Variants in MARK3 observed in about 807,000 individuals in gnomAD.
MARK3 encodes MAP/microtubule affinity-regulating kinase 3.
In MARK3, 46 loss-of-function variants were observed where a neutral mutation model predicts 90.1. The ratio of observed to expected loss-of-function variants is 0.51; its 90% CI spans 0.40 to 0.65. The LOEUF (loss-of-function observed/expected upper bound fraction) is 0.65. MARK3 is among the 30% of genes least tolerant of loss of function. The pLI, the probability that MARK3 is intolerant of heterozygous loss-of-function variation, is 0.00. For synonymous variants in MARK3, 321 were observed against 332.6 expected (o/e 0.97, Z 0.38); for missense variants, 818 against 947.2 (o/e 0.86, Z 1.79).
chr14:103,450,921 CTTTTTTTTTTTTTTT>C (rs869030067), intron 4 of MARK3, among the ~76,000 whole-genome samples: 3,358 of 52,690 alleles, frequency 0.064, 214 homozygotes, highest in African/African-American at 0.22. Context: ...TGTGTGTATT[CTTTTTTTTTTTTTTT>C]TTTTTTTTTT....
chr14:103,433,976 C>A (rs569949869), intron 3 of MARK3, among the ~76,000 whole-genome samples: 3 of 152,198 alleles, frequency 2.0e-5, no homozygotes, highest in African/African-American at 7.2e-5. Flanking sequence ...TCTCAGTTGC[C>A]ATCATTTTGA....
chr14:103,396,157 GT>G (rs1412487624), intron 1 of MARK3, among the ~76,000 whole-genome samples: 1 of 55,056 alleles, frequency 1.8e-5, no homozygotes, highest in East Asian at 5.8e-4. Context: ...TTTTGCCTGA[GT>G]GGGAGAGGAG....
At position 103,475,117 on chromosome 14, in the gene MARK3, G is replaced by C. The variant is rs56126530; in HGVS notation, c.1389G>C (p.Lys463Asn). Reference protein sequence around the residue: ...RKSSGSAVGGKGIAPASPMLG... With the variant: ...RKSSGSAVGGNGIAPASPMLG... Reference sequence around the variant, plus strand: ...CAAGTGGCAGTGCTGTTGGAGGAAAGGGAATTGCTCCAGCCAGTCCCATGC... The same window carrying C: ...CAAGTGGCAGTGCTGTTGGAGGAAACGGAATTGCTCCAGCCAGTCCCATGC... Residue 463 changes from lysine (K) to asparagine (N), a missense_variant, in exon 13 of 18, where the codon AAG becomes AAC. Around this residue, in one of 3 missense-constraint regions of MARK3, gnomAD observed 560 missense variants for 613.5 expected, o/e 0.91. Transcript: ENST00000429436. 2 of 1,614,106 alleles carry C rather than the reference G, an allele frequency of 1.2e-6. No individual in the cohort carries two copies. Among genetic ancestry groups the C allele is most frequent in the Non-Finnish European group, 1.7e-6 (2 of 1,179,940 alleles).
chr14:103,385,759 A>AGCCCGCC lies in MARK3; in HGVS notation c.-264_-258dup, dbSNP rs1251494944. ...AGGGGACGCCGGCGGGCCGAAGCGCAGCCCGCCGCCCGCAGGCTCGGCTCC... is the reference window on the plus strand; with the variant it reads ...AGGGGACGCCGGCGGGCCGAAGCGCAGCCCGCCGCCCGCCGCCCGCAGGCTCGGCTCC... On this transcript the variant is annotated 5_prime_UTR_variant, in exon 1 of 18. Transcript: ENST00000429436. 4 of 368,908 alleles carry AGCCCGCC rather than the reference A, an allele frequency of 1.1e-5. No individual in the cohort carries two copies. The highest frequency in any genetic ancestry group is 7.6e-5 in the South Asian group (1 of 13,198). 22.9% of individuals were successfully genotyped at this position (368,908 alleles called of 1,614,324 possible).
chr14:103,497,851 G>A (rs2075431149), intron 15 of MARK3, among the ~76,000 whole-genome samples: 1 of 152,122 alleles, frequency 6.6e-6, no homozygotes, highest in Non-Finnish European at 1.5e-5. Context: ...GAAGAAAATT[G>A]AAAAATGTTT....
At chr14:103,494,587 A>G (rs2075229103) in intron 15 of MARK3, among the ~76,000 whole-genome samples, 2 of 149,742 alleles carry the variant, frequency 1.3e-5, no homozygotes. Flanking sequence ...ATTTTATTAC[A>G]TGTATATAAT....
chr14:103,468,081 G>C lies in MARK3; in HGVS notation c.1159G>C (p.Val387Leu), dbSNP rs746805734. The change falls in exon 12 of 18, where the codon GTT becomes CTT. Residue 387 changes from valine to leucine, a missense_variant. This residue lies in a region of MARK3 where 560 missense variants were observed against 613.5 expected (regional missense o/e 0.91). Transcript: ENST00000429436. ...SSSSNLSLAKVRPSSDLNNST... is the reference protein window; with the variant it reads ...SSSSNLSLAKLRPSSDLNNST... ...TAGCAGCAATCTTTCACTTGCTAAG[G>C]TTAGGCCGAGCAGTGATCTCAACAA... 6.2e-7 allele frequency: 1 copy of C among 1,613,966 alleles called. No homozygotes were observed.
intron 1 of MARK3, among the ~76,000 whole-genome samples, chr14:103,397,787 A>G (rs2090679822): frequency 6.6e-6 from 1 of 152,212 alleles, no homozygotes; most frequent in Admixed American, 6.5e-5. Flanking sequence ...TTATGGGACA[A>G]TAACAGTTCC....
chr14:103,462,204 C>G (rs2093415724), intron 6 of MARK3, among the ~76,000 whole-genome samples: 1 of 152,126 alleles, frequency 6.6e-6, no homozygotes, highest in African/African-American at 2.4e-5. Context: ...GGAAGAACGT[C>G]CTCACCTATT....
At chr14:103,415,913 A>G (rs960674881) in intron 2 of MARK3, among the ~76,000 whole-genome samples, 1 of 152,130 alleles carries the variant, frequency 6.6e-6, no homozygotes, top group Admixed American at 6.5e-5. Context: ...CTTTCTCCAA[A>G]TTTATCATTT....
chr14:103,428,556 A>G (rs2092482326), intron 3 of MARK3, 116 bp downstream of exon 3: 3 of 635,922 alleles, frequency 4.7e-6, no homozygotes, highest in African/African-American at 2.0e-5. Context: ...AAAGCTTCCT[A>G]TTCCTCAAAT....
intron 9 of MARK3, 83 bp downstream of exon 9, chr14:103,466,174 C>G: frequency 6.6e-7 from 1 of 1,509,856 alleles, no homozygotes; most frequent in Non-Finnish European, 9.0e-7. Context: ...GTATGCCATA[C>G]TGGATATATC....
At chr14:103,495,376 A>G (rs975868973) in intron 15 of MARK3, among the ~76,000 whole-genome samples, 3 of 152,018 alleles carry the variant, frequency 2.0e-5, no homozygotes, top group Admixed American at 2.0e-4. Flanking sequence ...GCTATTTGGA[A>G]GGGTGAGGCA....
Position 103,480,492 on chromosome 14 carries a change from TAGG to T in MARK3, c.1586+5_1586+7del. Reference sequence around the variant, plus strand: ...GATTCAGAATGGCAAAGAAAACAGGTAGGAGATTCTACCTGTTTGTAAGAAAAG... The same window carrying T: ...GATTCAGAATGGCAAAGAAAACAGGTAGATTCTACCTGTTTGTAAGAAAAG... On this transcript the variant is annotated splice_donor_5th_base_variant and intron_variant, in intron 14 of 17. Transcript: ENST00000429436. 6.3e-7 allele frequency: 1 copy of T among 1,578,400 alleles called. No homozygotes were observed. Among genetic ancestry groups the T allele is most frequent in the Non-Finnish European group, 8.7e-7 (1 of 1,150,404 alleles).
intron 5 of MARK3, among the ~76,000 whole-genome samples, chr14:103,452,214 T>C (rs544085821): frequency 4.0e-4 from 61 of 152,250 alleles, no homozygotes; most frequent in African/African-American, 1.3e-3. Context: ...ATATTTTTTG[T>C]GGTAAAACAT....
At chr14:103,468,371 C>CTGGAG (rs1425053730) in intron 12 of MARK3, among the ~76,000 whole-genome samples, 185 bp downstream of exon 12, 1 of 118,064 alleles carries the variant, frequency 8.5e-6, no homozygotes, top group Non-Finnish European at 1.6e-5. Context: ...GTTGCCCAGG[C>CTGGAG]TGGAGTGGAG....
chr14:103,503,544 C>T lies in MARK3; in HGVS notation c.*317C>T, dbSNP rs1165187967. 3 of 300,786 alleles carry T rather than the reference C, an allele frequency of 1.0e-5. No homozygotes were observed. Among genetic ancestry groups the T allele is most frequent in the South Asian group, 5.0e-5 (1 of 19,832 alleles). 18.6% of individuals were successfully genotyped at this position (300,786 alleles called of 1,614,324 possible). ...GTGTGTGAAGTGGTGTATATGGAAG[C>T]ATCTCCCTACACTGGCAGCCAGTCA... On this transcript the variant is annotated 3_prime_UTR_variant, in exon 18 of 18. Coordinates refer to ENST00000429436, the MANE Select transcript of MARK3 (RefSeq NM_001128918.3).
At chr14:103,437,099 A>G (rs901080217) in intron 3 of MARK3, among the ~76,000 whole-genome samples, 1 of 152,056 alleles carries the variant, frequency 6.6e-6, no homozygotes, top group Non-Finnish European at 1.5e-5. Context: ...GCCAAAAAAA[A>G]AAAAAATTGA....
rs10529756 is a variant in MARK3 at position 103,423,200 on chromosome 14, C to CTTTTTTTTTTTTTTTTTTTT, written c.244-5173_244-5172insTTTTTTTTTTTTTTTTTTTT. 5.0e-4 allele frequency among the ~76,000 whole-genome samples: 47 copies of CTTTTTTTTTTTTTTTTTTTT among 94,698 alleles called. 8 individuals are homozygous for CTTTTTTTTTTTTTTTTTTTT. Among genetic ancestry groups the CTTTTTTTTTTTTTTTTTTTT allele is most frequent in the South Asian group, 1.4e-3 (3 of 2,112 alleles). 62.1% of individuals were successfully genotyped at this position (94,698 alleles called of 152,430 possible). A position where few individuals can be genotyped will look rare whatever the true frequency, so the allele number is the denominator to read the frequency against. ...TCTATCCCCCTAGAGGACTTGCAGT[C>CTTTTTTTTTTTTTTTTTTTT]TTTTTTTTTTTTTTGCCTCCTCTTT... On this transcript the variant is annotated intron_variant, in intron 2 of 17. Coordinates refer to ENST00000429436, the MANE Select transcript of MARK3 (RefSeq NM_001128918.3).
Sources: gnomAD v4.1 joint callset for allele counts (sites outside exome capture counted in the v4.1 genomes callset) on GRCh38, gnomAD v4.1.1 for gene constraint, gnomAD v4.1.1 regional missense constraint, MANE v1.5 for transcripts, NCBI Gene and HGNC (gene_info 2026-07-23, HGNC 2026-07-21) for gene names.